Variants in CHEK2 observed in about 807,000 individuals in gnomAD.
CHEK2 encodes the protein checkpoint kinase 2, also known as serine/threonine-protein kinase Chk2.
In CHEK2, 71 loss-of-function variants were observed where a neutral mutation model predicts 69.1. The ratio of observed to expected loss-of-function variants is 1.03; its 90% CI spans 0.85 to 1.25. The LOEUF is 1.25. Ranked by LOEUF, CHEK2 falls within the 50% of genes most tolerant of loss-of-function variation. The probability of loss-of-function intolerance (pLI) is 0.00; values close to 1 mark genes in which losing one functional copy is unlikely to be tolerated. For missense variants in CHEK2, 664 were observed against 649.6 expected (o/e 1.02, Z -0.24); for synonymous variants, 189 against 226.9 (o/e 0.83, Z 1.50).
chr22:28,713,839 C>T (rs1018977345), intron 5 of CHEK2, among the ~76,000 whole-genome samples: 4 of 152,050 alleles, frequency 2.6e-5, no homozygotes, highest in Admixed American at 2.6e-4. Context: ...TGCCACCTCG[C>T]CCAACTAATT....
rs1601826580 is a variant in CHEK2 at position 28,725,456 on chromosome 22, T to C, written c.320-89A>G. On this transcript the variant is annotated intron_variant, in intron 2 of 14. Coordinates refer to ENST00000404276, the MANE Select transcript of CHEK2 (RefSeq NM_007194.4). The stretch of plus-strand genomic sequence containing the variant: ...CTCATAAATGCTAATTGTAGGAAAA[T>C]AGCCTAAGAAGGCAATCAGAATTAT... 10 of 1,485,496 alleles carry C rather than the reference T, an allele frequency of 6.7e-6. No individual in the cohort carries two copies. The East Asian group carries it at 2.3e-4, about 34-fold the overall frequency. 92.0% of individuals were successfully genotyped at this position (1,485,496 alleles called of 1,614,324 possible). A position where few individuals can be genotyped will look rare whatever the true frequency, so the allele number is the denominator to read the frequency against.
At position 28,695,190 on chromosome 22, in the gene CHEK2, C is replaced by T. The variant is rs200050883; in HGVS notation, c.1312G>A (p.Asp438Asn). The change falls in exon 12 of 15, where the codon GAT becomes AAT. Residue 438 changes from aspartate (D) to asparagine (N), a missense_variant. Physicochemically the swap from Asp to Asn is conservative, Grantham distance 23. Coordinates refer to ENST00000404276, the MANE Select transcript of CHEK2 (RefSeq NM_007194.4). ...TTGTATTTTCCACTGGTGATCTGATCCTTCAGTGACACTTGAGTCCTATGC... is the reference window on the plus strand; with the variant it reads ...TTGTATTTTCCACTGGTGATCTGATTCTTCAGTGACACTTGAGTCCTATGC... ...SEHRTQVSLKDQITSGKYNFI... is the reference protein window; with the variant it reads ...SEHRTQVSLKNQITSGKYNFI... The T allele has an allele frequency of 1.2e-6, 2 of 1,613,506 alleles. No homozygotes were observed. The highest frequency in any genetic ancestry group is 1.7e-6 in the Non-Finnish European group (2 of 1,179,530).
rs572617272 is a variant in CHEK2 at position 28,727,186 on chromosome 22, C to T, written c.320-1819G>A. 1.1e-4 allele frequency among the ~76,000 whole-genome samples: 16 copies of T among 152,224 alleles called. No homozygotes were observed. In the South Asian group the frequency reaches 2.9e-3, roughly 28 times the overall value. On this transcript the variant is annotated intron_variant, in intron 2 of 14. Coordinates refer to ENST00000404276, the MANE Select transcript of CHEK2 (RefSeq NM_007194.4). Reference sequence around the variant, plus strand: ...CCTCCCGAGTGGCTGGGACTACAGGCACGTGCCACCATGCCCAGCTAATTT... The same window carrying T: ...CCTCCCGAGTGGCTGGGACTACAGGTACGTGCCACCATGCCCAGCTAATTT...
chr22:28,736,043 TA>T (rs1476711555), intron 1 of CHEK2, among the ~76,000 whole-genome samples: 1 of 152,096 alleles, frequency 6.6e-6, no homozygotes, highest in African/African-American at 2.4e-5. Flanking sequence ...ATAATAACAA[TA>T]ATCTTTGTGT....
At chr22:28,690,890 G>GAAGA (rs1169680591) in intron 13 of CHEK2, among the ~76,000 whole-genome samples, 4 of 151,040 alleles carry the variant, frequency 2.6e-5, no homozygotes, top group Non-Finnish European at 5.9e-5. Context: ...AAGGAAGGAG[G>GAAGA]AAGAAAGAAA....
At position 28,696,945 on chromosome 22, in the gene CHEK2, C is replaced by T. The variant is rs1555914308; in HGVS notation, c.1051G>A (p.Glu351Lys). The T allele has an allele frequency of 6.2e-7, 1 of 1,613,646 alleles. No individual in the cohort carries two copies. The highest frequency in any genetic ancestry group is 8.5e-7 in the Non-Finnish European group (1 of 1,179,604). The change falls in exon 10 of 15, where the codon GAG becomes AAG. Residue 351 changes from glutamate to lysine, a missense_variant. Coordinates refer to ENST00000404276, the MANE Select transcript of CHEK2 (RefSeq NM_007194.4). ...TCTTGAGATGACAGTAAAACATTCT[C>T]TGGCTTTAAGTCACGGTGTATAATA... Reference protein sequence around the residue: ...NGIIHRDLKPENVLLSSQEED... With the variant: ...NGIIHRDLKPKNVLLSSQEED...
chr22:28,705,388 T>A (rs1431297389), intron 7 of CHEK2, among the ~76,000 whole-genome samples: 1 of 152,128 alleles, frequency 6.6e-6, no homozygotes, highest in Non-Finnish European at 1.5e-5. Context: ...AAAATCTTTT[T>A]GAGAGCTGAC....
At chr22:28,710,686 T>C (rs1007262996) in intron 6 of CHEK2, among the ~76,000 whole-genome samples, 3 of 152,188 alleles carry the variant, frequency 2.0e-5, no homozygotes, top group African/African-American at 7.2e-5. Context: ...CTCAGCTTCC[T>C]GGGCTACACC....
chr22:28,718,981 C>G (rs919959843), intron 5 of CHEK2, among the ~76,000 whole-genome samples: 1 of 151,658 alleles, frequency 6.6e-6, no homozygotes. Context: ...AATCTCAGCA[C>G]TTTGGGAGGC....
intron 4 of CHEK2, among the ~76,000 whole-genome samples, chr22:28,724,349 C>T (rs987556236): frequency 5.3e-5 from 8 of 151,772 alleles, no homozygotes; most frequent in Non-Finnish European, 1.0e-4. Flanking sequence ...GCAGAGGTTG[C>T]GGTGAGCCGA....
At chr22:28,708,494 G>T (rs145733758) in intron 7 of CHEK2, among the ~76,000 whole-genome samples, 2 of 151,718 alleles carry the variant, frequency 1.3e-5, no homozygotes, top group African/African-American at 4.8e-5. Flanking sequence ...AGCCAAGCAG[G>T]AAGGTCAGCC....
chr22:28,739,977 C>T (rs139289258), intron 1 of CHEK2, among the ~76,000 whole-genome samples: 140 of 152,150 alleles, frequency 9.2e-4, no homozygotes, highest in African/African-American at 3.3e-3. Flanking sequence ...CCAAGGCGGG[C>T]GGATCACAAG....
chr22:28,734,462 T>C lies in CHEK2; in HGVS notation c.260A>G (p.Glu87Gly). 1 of 1,613,606 alleles carries C rather than the reference T, an allele frequency of 6.2e-7. No individual in the cohort carries two copies. Among genetic ancestry groups the C allele is most frequent in the African/African-American group, 1.3e-5 (1 of 74,996 alleles). The change falls in exon 2 of 15, where the codon GAG becomes GGG. Residue 87 changes from glutamate to glycine, a missense_variant. Coordinates refer to ENST00000404276, the MANE Select transcript of CHEK2 (RefSeq NM_007194.4). The part of the protein sequence containing the change: ...DQEPEDQEPE[E>G]PTPAPWARLW... The stretch of plus-strand genomic sequence containing the variant: ...TCGAGCCCAGGGGGCAGGGGTAGGC[T>C]CCTCAGGTTCTTGGTCCTCAGGTTC...
chr22:28,739,423 C>T (rs919514044), intron 1 of CHEK2, among the ~76,000 whole-genome samples: 1 of 152,164 alleles, frequency 6.6e-6, no homozygotes, highest in Non-Finnish European at 1.5e-5. Context: ...GGTGCAGTGG[C>T]TCATGCCTGT....
intron 9 of CHEK2, among the ~76,000 whole-genome samples, chr22:28,697,203 A>G (rs901286019): frequency 2.6e-5 from 4 of 152,204 alleles, no homozygotes; most frequent in Non-Finnish European, 4.4e-5. Flanking sequence ...GCAACTTAGA[A>G]CAATTAACCT....
intron 9 of CHEK2, among the ~76,000 whole-genome samples, chr22:28,698,321 C>T (rs1032639252): frequency 4.0e-5 from 6 of 151,236 alleles, no homozygotes; most frequent in South Asian, 2.1e-4. Flanking sequence ...CACTTGAACC[C>T]GAGGTGGAGG....
At chr22:28,703,380 C>A in intron 8 of CHEK2, 125 bp downstream of exon 8, 2 of 652,420 alleles carry the variant, frequency 3.1e-6, no homozygotes, top group Non-Finnish European at 5.6e-6. Context: ...ACTTTGTGGG[C>A]CCCACTACTA....
chr22:28,691,558 C>G (rs971819004), intron 13 of CHEK2, among the ~76,000 whole-genome samples: 2 of 152,288 alleles, frequency 1.3e-5, no homozygotes, highest in African/African-American at 4.8e-5. Context: ...TAGCCAGGAA[C>G]AGTGGCTCGT....
intron 7 of CHEK2, among the ~76,000 whole-genome samples, chr22:28,706,793 C>G (rs762151933): frequency 6.6e-6 from 1 of 152,080 alleles, no homozygotes; most frequent in Non-Finnish European, 1.5e-5. Flanking sequence ...GTGGTGGGCG[C>G]CTGTAATCCC....
Sources: gnomAD v4.1 joint callset for allele counts (sites outside exome capture counted in the v4.1 genomes callset) on GRCh38, gnomAD v4.1.1 for gene constraint, MANE v1.5 for transcripts, NCBI Gene and HGNC (gene_info 2026-07-23, HGNC 2026-07-21) for gene names.